The following MLLT3 variants were observed in gnomAD, a reference collection of about 807,000 sequenced individuals.
MLLT3 encodes the protein protein AF-9.
MLLT3 carries 4 observed loss-of-function variants against 53.2 expected under a neutral mutation model. The ratio of observed to expected loss-of-function variants is 0.08; its 90% CI spans 0.04 to 0.17. The LOEUF is 0.17. Among genes scored for constraint, MLLT3 ranks in the 10% least tolerant of loss-of-function variants. The pLI is 1.00. For synonymous variants in MLLT3, 283 were observed against 230.6 expected, an observed-to-expected ratio of 1.23 and a Z score of -2.06; for missense variants, 569 against 684.0, an observed-to-expected ratio of 0.83 and a Z score of 1.87.
rs537176963 is a variant in MLLT3 at position 20,588,602 on chromosome 9, C to G, written c.193+32052G>C. Among the ~76,000 whole-genome samples the G allele has an allele frequency of 1.2e-3, 175 of 152,034 alleles. 1 individual carries two copies. Among genetic ancestry groups the G allele is most frequent in the African/African-American group, 3.6e-3 (149 of 41,512 alleles). ...CCTAGGTATTTTATTCTCTTTGAAG[C>G]AATTGTGAATGGGAGTTCACTCATG... On this transcript the variant is annotated intron_variant, in intron 2 of 10. Transcript: ENST00000380338.
rs1286955597 is a variant in MLLT3, at chr9:20,346,582, A to G, written c.1576-8T>C. 2.5e-6 allele frequency: 4 copies of G among 1,608,926 alleles called. No homozygotes were observed. The highest frequency in any genetic ancestry group is 1.3e-5 in the African/African-American group (1 of 74,602). On this transcript the variant is annotated splice_polypyrimidine_tract_variant and splice_region_variant and intron_variant, in intron 10 of 10. Transcript: ENST00000380338. ...TTCTATAAGGTTCACGATCTAGAGGAGTGAAGAAGAGAAAGTTTGGGCAAT... is the reference window on the plus strand; with the variant it reads ...TTCTATAAGGTTCACGATCTAGAGGGGTGAAGAAGAGAAAGTTTGGGCAAT...
intron 2 of MLLT3, among the ~76,000 whole-genome samples, chr9:20,480,183 T>C (rs1163096950): frequency 6.6e-6 from 1 of 152,162 alleles, no homozygotes; most frequent in Non-Finnish European, 1.5e-5. Context: ...AAGTAAAACA[T>C]GAGAACTGAA....
intron 2 of MLLT3, among the ~76,000 whole-genome samples, chr9:20,602,688 G>C (rs1453318919): frequency 1.3e-5 from 2 of 151,796 alleles, no homozygotes; most frequent in African/African-American, 4.8e-5. Flanking sequence ...GCATCTTGGA[G>C]GAGTGGCAAA....
intron 5 of MLLT3, among the ~76,000 whole-genome samples, chr9:20,376,314 T>C (rs911858343): frequency 3.9e-5 from 6 of 152,178 alleles, no homozygotes; most frequent in African/African-American, 1.4e-4. Flanking sequence ...ATATTTAGCC[T>C]CTTGAGTTCT....
chr9:20,415,053 A>G (rs1406868793), intron 4 of MLLT3, among the ~76,000 whole-genome samples: 1 of 152,206 alleles, frequency 6.6e-6, no homozygotes, highest in Non-Finnish European at 1.5e-5. Context: ...GCCCAGCTTC[A>G]CATAGTAAGG....
intron 4 of MLLT3, among the ~76,000 whole-genome samples, chr9:20,445,457 G>A (rs1271770392): frequency 6.6e-6 from 1 of 152,058 alleles, no homozygotes; most frequent in East Asian, 1.9e-4. Context: ...TCCCAAAAAA[G>A]TTGTTATAGG....
At chr9:20,531,947 A>G (rs1012465851) in intron 2 of MLLT3, among the ~76,000 whole-genome samples, 1 of 152,082 alleles carries the variant, frequency 6.6e-6, no homozygotes, top group East Asian at 1.9e-4. Flanking sequence ...TTTTCATTTT[A>G]GTTTAGACTA....
At chr9:20,405,577 T>C (rs1478351583) in intron 5 of MLLT3, among the ~76,000 whole-genome samples, 1 of 152,202 alleles carries the variant, frequency 6.6e-6, no homozygotes, top group East Asian at 1.9e-4. Context: ...GAACAAAAGC[T>C]ATCTTACCTA....
intron 10 of MLLT3, among the ~76,000 whole-genome samples, chr9:20,350,506 A>C (rs556621237): frequency 2.6e-4 from 39 of 149,026 alleles, no homozygotes; most frequent in Admixed American, 6.7e-4. Flanking sequence ...GAGGCAGGAG[A>C]ATGGCGTGAA....
intron 2 of MLLT3, among the ~76,000 whole-genome samples, chr9:20,526,025 T>C (rs1007426588): frequency 6.6e-6 from 1 of 152,186 alleles, no homozygotes; most frequent in Non-Finnish European, 1.5e-5. Context: ...TTGGAGAAGA[T>C]ATGTATGTTC....
At chr9:20,436,493 G>T (rs1823407549) in intron 4 of MLLT3, among the ~76,000 whole-genome samples, 1 of 152,186 alleles carries the variant, frequency 6.6e-6, no homozygotes, top group African/African-American at 2.4e-5. Context: ...TACCCAAGTT[G>T]TCTTCAGAAA....
chr9:20,581,827 TCAA>T lies in MLLT3; in HGVS notation c.193+38824_193+38826del, dbSNP rs201031444. On this transcript the variant is annotated intron_variant, in intron 2 of 10. Coordinates refer to ENST00000380338, the MANE Select transcript of MLLT3 (RefSeq NM_004529.4). ...TACCTCTGGCTATTTCTCTAAGTGA[TCAA>T]CAACAACAACAGAAATGCATTTAAG... is the stretch of plus-strand genomic sequence containing the variant. 7.4e-3 allele frequency among the ~76,000 whole-genome samples: 1,123 copies of T among 152,198 alleles called. 9 individuals carry two copies. The highest frequency in any genetic ancestry group is 0.022 in the African/African-American group (905 of 41,514).
At chr9:20,422,641 C>T (rs967915090) in intron 4 of MLLT3, among the ~76,000 whole-genome samples, 3 of 152,248 alleles carry the variant, frequency 2.0e-5, no homozygotes, top group South Asian at 2.1e-4. Context: ...TGAAAGATTC[C>T]CCTCAGCCAT....
intron 10 of MLLT3, among the ~76,000 whole-genome samples, chr9:20,351,598 A>C (rs1821031666): frequency 6.6e-6 from 1 of 152,216 alleles, no homozygotes; most frequent in Admixed American, 6.5e-5. Context: ...AGGAAAACAA[A>C]GTTATTAACC....
At chr9:20,471,061 C>T (rs2118888278) in intron 2 of MLLT3, among the ~76,000 whole-genome samples, 1 of 152,006 alleles carries the variant, frequency 6.6e-6, no homozygotes, top group African/African-American at 2.4e-5. Flanking sequence ...AAATAAGTAG[C>T]TCAAGAGCTC....
chr9:20,512,646 G>A (rs1817784257), intron 2 of MLLT3, among the ~76,000 whole-genome samples: 4 of 152,182 alleles, frequency 2.6e-5, no homozygotes, highest in Admixed American at 2.6e-4. Context: ...GCCATGTTAT[G>A]TCATTAAGCA....
rs146433414 is a variant in MLLT3 at position 20,485,588 on chromosome 9, C to G, written c.194-28802G>C. Among the ~76,000 whole-genome samples the G allele has an allele frequency of 2.1e-3, 320 of 152,260 alleles. 1 individual carries two copies. Among genetic ancestry groups the G allele is most frequent in the African/African-American group, 7.5e-3 (312 of 41,544 alleles). On this transcript the variant is annotated intron_variant, in intron 2 of 10. Coordinates refer to ENST00000380338, the MANE Select transcript of MLLT3 (RefSeq NM_004529.4). ...AAACATAAGAAGCCATGAAATGTCA[C>G]CACCATAATAATATAATGCAGACAC...
intron 5 of MLLT3, among the ~76,000 whole-genome samples, chr9:20,365,984 G>A (rs895602432): frequency 2.0e-5 from 3 of 152,032 alleles, no homozygotes; most frequent in African/African-American, 7.2e-5. Context: ...ATGAGAAAAG[G>A]GCCTGGCTTT....
intron 2 of MLLT3, among the ~76,000 whole-genome samples, chr9:20,467,923 A>G (rs1298439514): frequency 6.6e-6 from 1 of 152,256 alleles, no homozygotes; most frequent in Non-Finnish European, 1.5e-5. Context: ...GAAAACTTTA[A>G]TTTAGCAACA....
Sources: allele counts gnomAD v4.1 joint callset (sites outside exome capture counted in the v4.1 genomes callset), GRCh38; gene constraint gnomAD v4.1.1; transcripts MANE v1.5; gene names NCBI Gene and HGNC (gene_info 2026-07-23, HGNC 2026-07-21).